SDE2: variants seen among roughly 807,000 people sequenced by gnomAD.
SDE2 encodes spliceosome associated SDE2.
Under a neutral mutation model 46.9 loss-of-function variants are expected in SDE2, and 31 were observed. The ratio of observed to expected loss-of-function variants is 0.66; its 90% CI spans 0.50 to 0.89. SDE2 has a LOEUF of 0.89. Among genes scored for constraint, SDE2 ranks in the 40% least tolerant of loss-of-function variants. The probability of loss-of-function intolerance (pLI) is 0.00; values close to 1 mark genes in which losing one functional copy is unlikely to be tolerated. For missense variants in SDE2, 542 were observed against 564.4 expected, an observed-to-expected ratio of 0.96 and a Z score of 0.40; for synonymous variants, 205 against 204.3, an observed-to-expected ratio of 1.00 and a Z score of -0.03.
chr1:225,999,288 A>T lies in SDE2; in HGVS notation c.25T>A (p.Trp9Arg). 2 of 1,611,896 alleles carry T rather than the reference A, an allele frequency of 1.2e-6. No homozygotes were observed. Among genetic ancestry groups the T allele is most frequent in the South Asian group, 1.1e-5 (1 of 90,852 alleles). Residue 9 changes from tryptophan to arginine, a missense_variant, in exon 1 of 7, where the codon TGG becomes AGG. Trp to Arg is a moderately radical substitution (Grantham distance 101). This residue lies in a region of SDE2 where 135 missense variants were observed against 106.5 expected (regional missense o/e 1.27). Transcript: ENST00000272091. The stretch of plus-strand genomic sequence containing the variant: ...CACCCGAAGCCAGGGCCGCGAATCC[A>T]CACCAGCGCCGCGGCCTCCGCCATG... MAEAAALV[W>R]IRGPGFGCKA...
At chr1:225,996,675 G>A (rs1656534616) in intron 1 of SDE2, among the ~76,000 whole-genome samples, 1 of 152,190 alleles carries the variant, frequency 6.6e-6, no homozygotes, top group South Asian at 2.1e-4. Context: ...TCACTGCAAC[G>A]AGGGGAACTG....
At chr1:225,998,579 G>C (rs548767775) in intron 1 of SDE2, among the ~76,000 whole-genome samples, 1 of 152,336 alleles carries the variant, frequency 6.6e-6, no homozygotes, top group Non-Finnish European at 1.5e-5. Flanking sequence ...TGTAACTCTG[G>C]AAGTCCCTGG....
At chr1:225,985,970 C>A (rs907638316) in intron 6 of SDE2, among the ~76,000 whole-genome samples, 1 of 152,102 alleles carries the variant, frequency 6.6e-6, no homozygotes, top group Admixed American at 6.6e-5. Flanking sequence ...AATTGTCAGA[C>A]CTCTCCCTTA....
intron 2 of SDE2, among the ~76,000 whole-genome samples, chr1:225,993,295 C>T (rs1393667321): frequency 6.6e-6 from 1 of 152,030 alleles, no homozygotes; most frequent in African/African-American, 2.4e-5. Flanking sequence ...CGGTATAATA[C>T]CTGTACAGCT....
rs535278884 is a variant in SDE2, at chr1:225,985,675, A to G, written c.1135-152T>C. ...TCATCATCCATCCACATGTTATTCC[A>G]TAAGTATTCTCAACACACATAATAA... is the stretch of plus-strand genomic sequence containing the variant. On this transcript the variant is annotated intron_variant, in intron 6 of 6. Transcript: ENST00000272091. 36 of 617,034 alleles carry G rather than the reference A, an allele frequency of 5.8e-5. No individual in the cohort carries two copies. The East Asian group carries it at 7.1e-4, about 12-fold the overall frequency. The allele number at this position is 617,034 out of a possible 1,614,324, so 38.2% of individuals were successfully genotyped here. A position where few individuals can be genotyped will look rare whatever the true frequency, so the allele number is the denominator to read the frequency against.
intron 3 of SDE2, 73 bp from the exon 4 acceptor site, chr1:225,992,640 T>C (rs1192442117): frequency 4.9e-6 from 5 of 1,018,712 alleles, no homozygotes; most frequent in South Asian, 1.5e-5. Flanking sequence ...AAAATGTCTC[T>C]GACGAATTAA....
At chr1:225,997,224 A>C (rs984945780) in intron 1 of SDE2, among the ~76,000 whole-genome samples, 2 of 152,202 alleles carry the variant, frequency 1.3e-5, no homozygotes, top group Non-Finnish European at 2.9e-5. Flanking sequence ...CAGCCTGATG[A>C]AAAGCAGGGC....
chr1:225,988,730 AAAAT>A (rs1656326730), intron 5 of SDE2, among the ~76,000 whole-genome samples: 2 of 152,192 alleles, frequency 1.3e-5, no homozygotes, highest in South Asian at 2.1e-4. Context: ...CTCCGTCTCA[AAAAT>A]AAATAAATAA....
chr1:225,991,411 T>A, intron 4 of SDE2, 48 bp from the exon 5 acceptor site: 3 of 1,497,798 alleles, frequency 2.0e-6, no homozygotes, highest in Non-Finnish European at 2.7e-6. Flanking sequence ...GGACTAAGTT[T>A]AAAGAAATCA....
At chr1:225,992,368 C>G in intron 4 of SDE2, 30 bp downstream of exon 4, 2 of 1,594,500 alleles carry the variant, frequency 1.3e-6, no homozygotes, top group Non-Finnish European at 1.7e-6. Flanking sequence ...GGGGTGCCAG[C>G]TGAACACACT....
chr1:225,993,046 G>A lies in SDE2; in HGVS notation c.239-44C>T, dbSNP rs1163465559. ...AGAAAGCAGGTTAAAATGTGTTCAAGGATGGATAAAAGCAGAATTTGTGAA... is the reference window on the plus strand; with the variant it reads ...AGAAAGCAGGTTAAAATGTGTTCAAAGATGGATAAAAGCAGAATTTGTGAA... On this transcript the variant is annotated intron_variant, in intron 2 of 6. Transcript: ENST00000272091. The A allele has an allele frequency of 2.0e-6, 2 of 1,008,564 alleles. 1 individual carries two copies. The highest frequency in any genetic ancestry group is 3.1e-6 in the Non-Finnish European group (2 of 645,544). The allele number at this position is 1,008,564 out of a possible 1,614,324, so 62.5% of individuals were successfully genotyped here.
At chr1:225,993,040 G>T in intron 2 of SDE2, 38 bp from the exon 3 acceptor site, 1 of 1,045,188 alleles carries the variant, frequency 9.6e-7, no homozygotes, top group Non-Finnish European at 1.5e-6. Flanking sequence ...GTTAAAATGT[G>T]TTCAAGGATG....
chr1:225,998,784 G>A (rs553017571), intron 1 of SDE2, among the ~76,000 whole-genome samples: 1 of 152,240 alleles, frequency 6.6e-6, no homozygotes, highest in South Asian at 2.1e-4. Flanking sequence ...TACTTCTCTA[G>A]GCTGGGGCTA....
At chr1:225,986,503 A>T (rs1285857856) in intron 6 of SDE2, among the ~76,000 whole-genome samples, 1 of 152,152 alleles carries the variant, frequency 6.6e-6, no homozygotes. Context: ...TTGTTTTCTT[A>T]AAAAAGCTGT....
At chr1:225,991,194 C>A in intron 5 of SDE2, 49 bp downstream of exon 5, 2 of 1,584,370 alleles carry the variant, frequency 1.3e-6, no homozygotes, top group South Asian at 2.2e-5. Context: ...GAGGAAATGT[C>A]TCAAGTCAGT....
chr1:225,989,050 G>A (rs1411033430), intron 5 of SDE2, among the ~76,000 whole-genome samples: 1 of 152,034 alleles, frequency 6.6e-6, no homozygotes, highest in Non-Finnish European at 1.5e-5. Context: ...TGTAATCCCA[G>A]CACATTGGGA....
intron 4 of SDE2, 60 bp from the exon 5 acceptor site, chr1:225,991,423 A>T: frequency 7.1e-7 from 1 of 1,400,488 alleles, no homozygotes; most frequent in Non-Finnish European, 9.9e-7. Flanking sequence ...AAGAAATCAT[A>T]AATAACATGG....
chr1:225,988,169 A>C lies in SDE2; in HGVS notation c.861T>G (p.Thr287=), dbSNP rs1656311778. 4.3e-6 allele frequency: 7 copies of C among 1,614,156 alleles called. No homozygotes were observed. Among genetic ancestry groups the C allele is most frequent in the Non-Finnish European group, 5.9e-6 (7 of 1,180,014 alleles). The change falls in exon 6 of 7, where the codon ACT becomes ACG. Residue 287 remains threonine (T), a synonymous_variant. Coordinates refer to ENST00000272091, the MANE Select transcript of SDE2 (RefSeq NM_152608.4). The part of the protein sequence containing the change: ...GSPEQLQIPV[T]DSGRHILEDS... The stretch of plus-strand genomic sequence containing the variant: ...CTTCTAAAATATGCCTCCCAGAGTC[A>C]GTCACCGGGATCTGCAGTTGTTCTG...
Position 225,982,973 on chromosome 1 carries a change from A to T in SDE2, c.*2329T>A, listed in dbSNP as rs140237187. ...TTGTAATCACTAGAACATCCAACTTAAAAAAATTATTAAAACAGTATAGCT... is the reference window on the plus strand; with the variant it reads ...TTGTAATCACTAGAACATCCAACTTTAAAAAATTATTAAAACAGTATAGCT... On this transcript the variant is annotated 3_prime_UTR_variant, in exon 7 of 7. Transcript: ENST00000272091. 3.9e-5 allele frequency: 6 copies of T among 152,290 alleles called. No individual in the cohort carries two copies. In the East Asian group the frequency reaches 1.2e-3, roughly 29 times the overall value. The allele number at this position is 152,290 out of a possible 1,614,324, so 9.4% of individuals were successfully genotyped here.
Sources: allele counts gnomAD v4.1 joint callset (sites outside exome capture counted in the v4.1 genomes callset), GRCh38; gene constraint gnomAD v4.1.1; regional missense constraint gnomAD v4.1.1; transcripts MANE v1.5; gene names NCBI Gene and HGNC (gene_info 2026-07-23, HGNC 2026-07-21).